Variants in FKBP5 observed in about 807,000 individuals in gnomAD.
The protein encoded by FKBP5 is FKBP prolyl isomerase 5, also known as peptidyl-prolyl cis-trans isomerase FKBP5.
Under a neutral mutation model 50.5 loss-of-function variants are expected in FKBP5, and 23 were observed. The ratio of observed to expected loss-of-function variants is 0.46; its 90% CI spans 0.33 to 0.65. FKBP5 has a LOEUF of 0.65. Ranked by LOEUF, FKBP5 falls within the 30% of genes least tolerant of loss-of-function variation. The pLI is 0.02. For missense variants in FKBP5, 411 were observed against 553.1 expected (o/e 0.74, Z 2.58); for synonymous variants, 176 against 190.6 (o/e 0.92, Z 0.63).
intron 3 of FKBP5, among the ~76,000 whole-genome samples, chr6:35,634,021 T>A (rs892233038): frequency 6.6e-6 from 1 of 152,224 alleles, no homozygotes; most frequent in African/African-American, 2.4e-5. Flanking sequence ...TCAGAAAATC[T>A]TCTTACTCTG....
chr6:35,583,377 G>A (rs992539012), intron 8 of FKBP5: 6 of 985,298 alleles, frequency 6.1e-6, no homozygotes, highest in African/African-American at 3.5e-5. Flanking sequence ...ATGGTAGAAG[G>A]CCATGGTAAA....
intron 5 of FKBP5, among the ~76,000 whole-genome samples, chr6:35,615,154 C>CA (rs1554132893): frequency 5.3e-3 from 343 of 64,742 alleles, no homozygotes; most frequent in African/African-American, 0.015. Flanking sequence ...ACAACAACAA[C>CA]TACACACACA....
intron 5 of FKBP5, among the ~76,000 whole-genome samples, chr6:35,598,133 C>G (rs1187601914): frequency 6.6e-6 from 1 of 152,070 alleles, no homozygotes; most frequent in Non-Finnish European, 1.5e-5. Flanking sequence ...AAGCTCTTTC[C>G]CAGAGTAATT....
chr6:35,634,653 C>T (rs1295322117), intron 3 of FKBP5, among the ~76,000 whole-genome samples: 1 of 152,052 alleles, frequency 6.6e-6, no homozygotes, highest in East Asian at 1.9e-4. Flanking sequence ...CAACTAGATA[C>T]AGAGCTGAAG....
intron 1 of FKBP5, among the ~76,000 whole-genome samples, chr6:35,722,433 G>T (rs1434461847): frequency 1.3e-5 from 2 of 152,214 alleles, no homozygotes; most frequent in African/African-American, 4.8e-5. Flanking sequence ...AGTGCTTTGG[G>T]CCTGGCTCTG....
chr6:35,709,693 C>A (rs965358408), intron 2 of FKBP5, among the ~76,000 whole-genome samples: 1 of 151,868 alleles, frequency 6.6e-6, no homozygotes, highest in African/African-American at 2.4e-5. Context: ...TATTTACATG[C>A]AAAATAGAAC....
chr6:35,607,887 C>G (rs1168508679), intron 5 of FKBP5: 1 of 181,452 alleles, frequency 5.5e-6, no homozygotes, highest in Non-Finnish European at 1.3e-5. Flanking sequence ...GCAGGAGGAG[C>G]TGAGCAATGT....
chr6:35,641,515 C>G (rs377270897), intron 2 of FKBP5, among the ~76,000 whole-genome samples: 24 of 152,186 alleles, frequency 1.6e-4, no homozygotes, highest in African/African-American at 5.6e-4. Flanking sequence ...GCCATAGGAA[C>G]TTTTCGGCCC....
chr6:35,597,509 C>A, intron 5 of FKBP5, 105 bp from the exon 6 acceptor site: 1 of 1,315,944 alleles, frequency 7.6e-7, no homozygotes, highest in East Asian at 2.4e-5. Context: ...ACCATTTCCC[C>A]TTTCTCATTT....
chr6:35,624,286 A>G (rs1763929614), intron 3 of FKBP5, among the ~76,000 whole-genome samples: 1 of 152,168 alleles, frequency 6.6e-6, no homozygotes, highest in Non-Finnish European at 1.5e-5. Context: ...CAAAATATCA[A>G]CATGAGACAA....
At chr6:35,716,304 C>T (rs1302265426) in intron 2 of FKBP5, among the ~76,000 whole-genome samples, 3 of 152,186 alleles carry the variant, frequency 2.0e-5, no homozygotes, top group Admixed American at 1.3e-4. Context: ...GCCCAGGAGT[C>T]CAAGGTTGCA....
intron 7 of FKBP5, 55 bp downstream of exon 7, chr6:35,591,075 G>C: frequency 2.3e-5 from 26 of 1,130,724 alleles, no homozygotes; most frequent in Non-Finnish European, 3.5e-5. Context: ...TGATTTATAG[G>C]AAGTGGATGG....
chr6:35,691,912 T>C (rs1765995480), upstream of FKBP5, among the ~76,000 whole-genome samples: 1 of 152,128 alleles, frequency 6.6e-6, no homozygotes, highest in Non-Finnish European at 1.5e-5. Context: ...AAGAGCCCTG[T>C]GCTGGGTCTA....
chr6:35,716,349 C>T (rs564047156), intron 2 of FKBP5, among the ~76,000 whole-genome samples: 22 of 152,134 alleles, frequency 1.4e-4, no homozygotes, highest in African/African-American at 4.8e-4. Context: ...CTCGTCTAGG[C>T]AACAGAAATC....
chr6:35,709,538 T>C (rs999239986), intron 2 of FKBP5, among the ~76,000 whole-genome samples: 5 of 152,236 alleles, frequency 3.3e-5, no homozygotes, highest in Non-Finnish European at 5.9e-5. Flanking sequence ...AAGTGAACTT[T>C]TAAAAATCAG....
chr6:35,698,768 C>T (rs77319078), intron 2 of FKBP5, among the ~76,000 whole-genome samples: 5,823 of 152,140 alleles, frequency 0.038, 119 homozygotes, highest in African/African-American at 0.064. Flanking sequence ...AAAAGGGGAT[C>T]GAGGCCTCTC....
rs1762237971 is a variant in FKBP5 at position 35,576,927 on chromosome 6, TCCCCTAAA to T, written c.1266+59_1266+66del. 5 of 1,567,112 alleles carry T rather than the reference TCCCCTAAA, an allele frequency of 3.2e-6. No individual in the cohort carries two copies. The East Asian group carries it at 1.1e-4, about 35-fold the overall frequency. ...CTCTTGGGTTGTTTAGCTGTTCCTG[TCCCCTAAA>T]ATCAAAGGGGCATGGTCAGGCTCTT... is the stretch of plus-strand genomic sequence containing the variant. On this transcript the variant is annotated intron_variant, in intron 10 of 10. Coordinates refer to ENST00000357266, the MANE Select transcript of FKBP5 (RefSeq NM_004117.4).
At chr6:35,724,919 G>A (rs768146289) in intron 1 of FKBP5, among the ~76,000 whole-genome samples, 10 of 152,184 alleles carry the variant, frequency 6.6e-5, no homozygotes, top group Non-Finnish European at 1.2e-4. Context: ...ATGGGATCCT[G>A]TAAATAAAGA....
chr6:35,603,508 T>C (rs1763208954), intron 5 of FKBP5, among the ~76,000 whole-genome samples: 1 of 152,238 alleles, frequency 6.6e-6, no homozygotes, highest in South Asian at 2.1e-4. Flanking sequence ...CACTAATTTA[T>C]ACAAATTTTC....
Sources: gnomAD v4.1 joint callset for allele counts (sites outside exome capture counted in the v4.1 genomes callset) on GRCh38, gnomAD v4.1.1 for gene constraint, MANE v1.5 for transcripts, NCBI Gene and HGNC (gene_info 2026-07-23, HGNC 2026-07-21) for gene names.